The following CDH23 variants were observed in gnomAD, a reference collection of about 807,000 sequenced individuals.
CDH23 encodes the protein cadherin-23.
In CDH23, 189 loss-of-function variants were observed where a neutral mutation model predicts 317.1. The ratio of observed to expected loss-of-function variants is 0.60; its 90% CI spans 0.53 to 0.67. The LOEUF (loss-of-function observed/expected upper bound fraction) is 0.67. CDH23 is among the 30% of genes least tolerant of loss of function. The pLI is 0.00. For synonymous variants in CDH23, 1,839 were observed against 1,876.8 expected (o/e 0.98, Z 0.52); for missense variants, 4,401 against 4,592.4 (o/e 0.96, Z 1.20).
rs557661256 is a variant in CDH23, at chr10:71,542,171, G to A, written c.430-24571G>A. ...GTGTGAAGACCCTCTCAGGATCTTC[G>A]ATGTAGTTGACTTGGAGATAGAAAG... On this transcript the variant is annotated intron_variant, in intron 6 of 69. Coordinates refer to ENST00000224721, the MANE Select transcript of CDH23 (RefSeq NM_022124.6). Among the ~76,000 whole-genome samples the A allele has an allele frequency of 2.0e-5, 3 of 152,292 alleles. No homozygotes were observed. In the South Asian group the frequency reaches 6.2e-4, roughly 32 times the overall value.
chr10:71,455,901 G>T (rs1850672102), intron 3 of CDH23, among the ~76,000 whole-genome samples: 1 of 152,188 alleles, frequency 6.6e-6, no homozygotes, highest in Non-Finnish European at 1.5e-5. Flanking sequence ...CGATTGCCCA[G>T]GGTCCCTAGT....
At chr10:71,795,091 G>C (rs1841363125) in intron 48 of CDH23, among the ~76,000 whole-genome samples, 1 of 152,050 alleles carries the variant, frequency 6.6e-6, no homozygotes, top group Non-Finnish European at 1.5e-5. Flanking sequence ...TTCCATAAAT[G>C]TAAAATACAT....
At chr10:71,551,215 G>T (rs1856578062) in intron 6 of CDH23, among the ~76,000 whole-genome samples, 1 of 152,268 alleles carries the variant, frequency 6.6e-6, no homozygotes, top group Non-Finnish European at 1.5e-5. Flanking sequence ...ATCTAACAGA[G>T]GTAAGGCTGC....
Position 71,732,055 on chromosome 10 carries a change from A to G in CDH23, c.3784A>G (p.Thr1262Ala). The G allele has an allele frequency of 6.2e-7, 1 of 1,614,046 alleles. No individual in the cohort carries two copies. The highest frequency in any genetic ancestry group is 8.5e-7 in the Non-Finnish European group (1 of 1,179,898). ...GGGGAAGTTTGAGATTGACGAGAGCACAGGGCTTATCATCACCGTGAATTA... is the reference window on the plus strand; with the variant it reads ...GGGGAAGTTTGAGATTGACGAGAGCGCAGGGCTTATCATCACCGTGAATTA... ...AEGKFEIDES[T>A]GLIITVNYLD... Residue 1262 changes from threonine (T) to alanine (A), a missense_variant, in exon 32 of 70, where the codon ACA becomes GCA. Around this residue, in one of 3 missense-constraint regions of CDH23, gnomAD observed 3,068 missense variants for 3,203.3 expected, o/e 0.96. Transcript: ENST00000224721.
chr10:71,626,396 G>A (rs1213803489), intron 11 of CDH23, among the ~76,000 whole-genome samples: 1 of 152,216 alleles, frequency 6.6e-6, no homozygotes, highest in Non-Finnish European at 1.5e-5. Flanking sequence ...GGGATGGACA[G>A]GGTGGGAGCA....
At chr10:71,578,705 T>C (rs1460630586) in intron 9 of CDH23, among the ~76,000 whole-genome samples, 3 of 124,008 alleles carry the variant, frequency 2.4e-5, no homozygotes, top group African/African-American at 9.7e-5. Context: ...GCCCACAGAC[T>C]CTGGCTCTGC....
At chr10:71,600,481 T>C (rs551025062) in intron 9 of CDH23, among the ~76,000 whole-genome samples, 2 of 152,082 alleles carry the variant, frequency 1.3e-5, no homozygotes, top group East Asian at 1.9e-4. Flanking sequence ...AAGATGTCTG[T>C]TGAGCATTTC....
chr10:71,416,755 A>ACTC (rs2131936364), intron 1 of CDH23, among the ~76,000 whole-genome samples: 1 of 151,550 alleles, frequency 6.6e-6, no homozygotes, highest in African/African-American at 2.4e-5. Flanking sequence ...GCAACCTTGA[A>ACTC]CTCCTGGGCT....
intron 6 of CDH23, among the ~76,000 whole-genome samples, chr10:71,535,107 C>T (rs1341716164): frequency 6.6e-6 from 1 of 152,234 alleles, no homozygotes; most frequent in Non-Finnish European, 1.5e-5. Flanking sequence ...ATCCAGACTG[C>T]TCATTGCACT....
At chr10:71,569,461 G>A (rs1857631123) in intron 7 of CDH23, among the ~76,000 whole-genome samples, 1 of 152,228 alleles carries the variant, frequency 6.6e-6, no homozygotes, top group African/African-American at 2.4e-5. Flanking sequence ...TCGAGCCTGA[G>A]GGGCCTTAGA....
At chr10:71,426,739 T>C (rs1020896328) in intron 1 of CDH23, among the ~76,000 whole-genome samples, 1 of 152,238 alleles carries the variant, frequency 6.6e-6, no homozygotes, top group Non-Finnish European at 1.5e-5. Flanking sequence ...GATATGTTAT[T>C]CACATATGAT....
chr10:71,588,159 C>A (rs1371226289), intron 9 of CDH23, among the ~76,000 whole-genome samples: 1 of 152,134 alleles, frequency 6.6e-6, no homozygotes, highest in Non-Finnish European at 1.5e-5. Context: ...CACCTCCCAC[C>A]CCACACAGCT....
intron 3 of CDH23, among the ~76,000 whole-genome samples, chr10:71,452,850 G>A (rs1203424227): frequency 6.6e-6 from 1 of 152,184 alleles, no homozygotes; most frequent in Admixed American, 6.5e-5. Flanking sequence ...GGCCTCCTGT[G>A]AGACCTTGCA....
Position 71,705,096 on chromosome 10 carries a change from C to G in CDH23, c.2919C>G (p.Pro973=). The G allele has an allele frequency of 6.2e-7, 1 of 1,611,628 alleles. No homozygotes were observed. The highest frequency in any genetic ancestry group is 2.2e-5 in the East Asian group (1 of 44,850). The change falls in exon 25 of 70, where the codon CCC becomes CCG. Residue 973 remains proline (P), a synonymous_variant. Transcript: ENST00000224721. ...TGGTGGCCAGTGATGCAGGCACGCC[C>G]ACCAAGAGCTCCACCAGCACGCTCA... ...LRVVASDAGT[P]TKSSTSTLTI... is the part of the protein sequence containing the mutation.
At chr10:71,423,387 C>T (rs1848903192) in intron 1 of CDH23, among the ~76,000 whole-genome samples, 1 of 152,194 alleles carries the variant, frequency 6.6e-6, no homozygotes, top group African/African-American at 2.4e-5. Flanking sequence ...ATCAAATGTC[C>T]AGCTGTGCAT....
intron 38 of CDH23, among the ~76,000 whole-genome samples, chr10:71,755,673 C>A (rs1840123937): frequency 1.3e-5 from 2 of 152,096 alleles, no homozygotes; most frequent in Non-Finnish European, 1.5e-5. Context: ...GCCCTATGCC[C>A]CTGGAGCACT....
At chr10:71,448,922 G>T (rs1463804184) in intron 3 of CDH23, among the ~76,000 whole-genome samples, 1 of 152,208 alleles carries the variant, frequency 6.6e-6, no homozygotes. Context: ...CTTGTCCAGG[G>T]GACTGGCCTT....
chr10:71,725,576 T>C, intron 30 of CDH23, 56 bp downstream of exon 30: 1 of 1,568,720 alleles, frequency 6.4e-7, no homozygotes, highest in East Asian at 2.3e-5. Flanking sequence ...AGCCCACAGC[T>C]AGAACAGAGA....
rs1167419862 is a variant in CDH23 at position 71,616,149 on chromosome 10, A to G, written c.945+533A>G. 4.6e-5 allele frequency among the ~76,000 whole-genome samples: 7 copies of G among 152,356 alleles called. No individual in the cohort carries two copies. In the South Asian group the frequency reaches 1.4e-3, roughly 32 times the overall value. On this transcript the variant is annotated intron_variant, in intron 10 of 69. Coordinates refer to ENST00000224721, the MANE Select transcript of CDH23 (RefSeq NM_022124.6). ...CGCCTGCCACTCACGGTCGGTTTCAATTCAAATCAGTGACTTGCAGAGCCA... is the reference window on the plus strand; with the variant it reads ...CGCCTGCCACTCACGGTCGGTTTCAGTTCAAATCAGTGACTTGCAGAGCCA...
Sources: allele counts gnomAD v4.1 joint callset (sites outside exome capture counted in the v4.1 genomes callset), GRCh38; gene constraint gnomAD v4.1.1; regional missense constraint gnomAD v4.1.1; transcripts MANE v1.5; gene names NCBI Gene and HGNC (gene_info 2026-07-23, HGNC 2026-07-21).